The following ITGA1 variants were observed in gnomAD, a reference collection of about 807,000 sequenced individuals.
ITGA1 encodes the protein integrin alpha-1.
A neutral mutation model predicts 145.9 loss-of-function variants in ITGA1; 85 were observed. The ratio of observed to expected loss-of-function variants is 0.58; its 90% CI spans 0.49 to 0.70. The LOEUF is 0.70. Among genes scored for constraint, ITGA1 ranks in the 30% least tolerant of loss-of-function variants. ITGA1 has a pLI of 0.00. For synonymous variants in ITGA1, 520 were observed against 495.3 expected (o/e 1.05, Z -0.66); for missense variants, 1,351 against 1,418.7 (o/e 0.95, Z 0.77).
Position 52,788,297 on chromosome 5 carries a change from C to T in ITGA1, c.-57C>T. ...GCCCAGCCAGAGAGCGCAGCTCCCG[C>T]GCCCGGTCCTGCCCTGCGAACCAGC... On this transcript the variant is annotated 5_prime_UTR_variant, in exon 1 of 29. Transcript: ENST00000282588. 2.2e-6 allele frequency: 3 copies of T among 1,353,348 alleles called. No homozygotes were observed. Among genetic ancestry groups the T allele is most frequent in the Non-Finnish European group, 1.9e-6 (2 of 1,035,012 alleles). 83.8% of individuals were successfully genotyped at this position (1,353,348 alleles called of 1,614,324 possible). A position where few individuals can be genotyped will look rare whatever the true frequency, so the allele number is the denominator to read the frequency against.
At chr5:52,806,869 G>A (rs1376841703) in intron 1 of ITGA1, among the ~76,000 whole-genome samples, 1 of 152,098 alleles carries the variant, frequency 6.6e-6, no homozygotes, top group African/African-American at 2.4e-5. Context: ...ATACAAATTT[G>A]AGGCTACAGT....
At chr5:52,945,286 A>G (rs1205952753) in intron 27 of ITGA1, among the ~76,000 whole-genome samples, 1 of 152,166 alleles carries the variant, frequency 6.6e-6, no homozygotes, top group Non-Finnish European at 1.5e-5. Flanking sequence ...ACTTATAACT[A>G]TCACGGTAAA....
intron 1 of ITGA1, among the ~76,000 whole-genome samples, chr5:52,838,941 AC>A (rs1400706035): frequency 6.6e-6 from 1 of 152,118 alleles, no homozygotes; most frequent in African/African-American, 2.4e-5. Context: ...TACAAAAAAT[AC>A]AAAAATTAAC....
chr5:52,916,155 GGCAAAAATAAT>G (rs1282733530), intron 15 of ITGA1, among the ~76,000 whole-genome samples: 1 of 151,806 alleles, frequency 6.6e-6, no homozygotes, highest in African/African-American at 2.4e-5. Context: ...TAATTTAGTA[GGCAAAAATAAT>G]TATTGCTTAC....
chr5:52,915,455 T>G lies in ITGA1; in HGVS notation c.1858-9T>G, dbSNP rs1750628873. The G allele has an allele frequency of 1.2e-6, 2 of 1,611,892 alleles. No individual in the cohort carries two copies. The highest frequency in any genetic ancestry group is 1.1e-5 in the South Asian group (1 of 90,632). ...CTCATATGAAACTCTTTTTTTTGGA[T>G]TCTCACAGCGTATTCCATCAGGTGG... is the stretch of plus-strand genomic sequence containing the variant. On this transcript the variant is annotated splice_polypyrimidine_tract_variant and intron_variant, in intron 14 of 28. Coordinates refer to ENST00000282588, the MANE Select transcript of ITGA1 (RefSeq NM_181501.2).
At chr5:52,817,236 A>G (rs1755662679) in intron 1 of ITGA1, among the ~76,000 whole-genome samples, 1 of 152,222 alleles carries the variant, frequency 6.6e-6, no homozygotes, top group African/African-American at 2.4e-5. Flanking sequence ...GCTGAATACC[A>G]GAGGTAGAGA....
At chr5:52,844,828 A>G (rs1749308830) in intron 1 of ITGA1, among the ~76,000 whole-genome samples, 1 of 152,016 alleles carries the variant, frequency 6.6e-6, no homozygotes, top group Non-Finnish European at 1.5e-5. Context: ...AATAAGTACA[A>G]TTTTGCTTTA....
At chr5:52,888,524 C>T (rs918323001) in intron 8 of ITGA1, among the ~76,000 whole-genome samples, 1 of 145,378 alleles carries the variant, frequency 6.9e-6, no homozygotes, top group African/African-American at 2.5e-5. Context: ...CAACTTCTGA[C>T]GTTTGACACT....
At chr5:52,800,447 T>TG (rs1421472405) in intron 1 of ITGA1, 1 of 1,613,994 alleles carries the variant, frequency 6.2e-7, no homozygotes, top group Admixed American at 1.7e-5. Flanking sequence ...CAGGTGACCC[T>TG]GGTCCCCGAG....
rs769641342 is a variant in ITGA1, at chr5:52,833,236, T to C, written c.62-16129T>C. ...GAAATTAGCCTTTACCTGTGTGTAC[T>C]ACAATTTAAAAGGCCATCTTTGAAA... On this transcript the variant is annotated intron_variant, in intron 1 of 28. Coordinates refer to ENST00000282588, the MANE Select transcript of ITGA1 (RefSeq NM_181501.2). 7.2e-5 allele frequency among the ~76,000 whole-genome samples: 11 copies of C among 151,852 alleles called. 1 individual carries two copies. The South Asian group carries it at 1.2e-3, about 17-fold the overall frequency.
At chr5:52,826,798 C>T (rs1348018280) in intron 1 of ITGA1, among the ~76,000 whole-genome samples, 19 of 152,164 alleles carry the variant, frequency 1.2e-4, no homozygotes, top group Non-Finnish European at 2.9e-5. Flanking sequence ...AGATTTACTG[C>T]TGAGAAAAAG....
At chr5:52,802,860 A>T (rs1268847029) in intron 1 of ITGA1, 1 of 152,138 alleles carries the variant, frequency 6.6e-6, no homozygotes, top group Non-Finnish European at 1.5e-5. Flanking sequence ...AATACTCTTT[A>T]CTATCATTGA....
At chr5:52,940,424 T>A (rs1751037896) in intron 26 of ITGA1, among the ~76,000 whole-genome samples, 1 of 151,288 alleles carries the variant, frequency 6.6e-6, no homozygotes, top group Non-Finnish European at 1.5e-5. Context: ...TTTTTTTTTT[T>A]TTGAGACGGA....
intron 8 of ITGA1, among the ~76,000 whole-genome samples, chr5:52,888,201 G>T (rs1750085252): frequency 6.6e-6 from 1 of 150,380 alleles, no homozygotes; most frequent in South Asian, 2.1e-4. Flanking sequence ...AGGAAGGAAG[G>T]AAGAAAATAA....
chr5:52,924,184 A>G (rs1750769570), intron 18 of ITGA1, among the ~76,000 whole-genome samples: 1 of 149,246 alleles, frequency 6.7e-6, no homozygotes, highest in Non-Finnish European at 1.5e-5. Context: ...TGATTGTCTT[A>G]TACATACCAG....
chr5:52,869,884 TC>T (rs1242145140), intron 6 of ITGA1, among the ~76,000 whole-genome samples: 3 of 152,208 alleles, frequency 2.0e-5, no homozygotes, highest in African/African-American at 4.8e-5. Context: ...TAAATAATTC[TC>T]TAAAATGAAG....
intron 1 of ITGA1, among the ~76,000 whole-genome samples, chr5:52,811,041 A>G (rs2111685103): frequency 6.6e-6 from 1 of 152,364 alleles, no homozygotes; most frequent in South Asian, 2.1e-4. Flanking sequence ...TCTGTATGAA[A>G]TTTAGGACTT....
chr5:52,799,492 C>G (rs1748410195), intron 1 of ITGA1, among the ~76,000 whole-genome samples: 1 of 152,226 alleles, frequency 6.6e-6, no homozygotes, highest in Admixed American at 6.5e-5. Context: ...GGTCAAGCAA[C>G]TGAGAGGTCC....
intron 9 of ITGA1, 67 bp from the exon 10 acceptor site, chr5:52,897,388 T>C: frequency 9.6e-7 from 1 of 1,037,412 alleles, no homozygotes; most frequent in Non-Finnish European, 1.5e-6. Context: ...GTATCTGTAT[T>C]CTGCAAGTCA....
Sources: gnomAD v4.1 joint callset for allele counts (sites outside exome capture counted in the v4.1 genomes callset) on GRCh38, gnomAD v4.1.1 for gene constraint, MANE v1.5 for transcripts, NCBI Gene and HGNC (gene_info 2026-07-23, HGNC 2026-07-21) for gene names.